RBFOX1: variants seen among roughly 807,000 people sequenced by gnomAD.
RBFOX1 encodes the protein RNA binding protein fox-1 homolog 1.
Under a neutral mutation model 57.7 loss-of-function variants are expected in RBFOX1, and 8 were observed. The observed-to-expected ratio is 0.14, with a 90% confidence interval of 0.08 to 0.25. The LOEUF (loss-of-function observed/expected upper bound fraction) is 0.25. RBFOX1 is among the 10% of genes least tolerant of loss of function. The pLI is 1.00. For missense variants in RBFOX1, 611 were observed against 548.5 expected (o/e 1.11, Z -1.14); for synonymous variants, 326 against 222.4 (o/e 1.47, Z -4.15).
intron 3 of RBFOX1, among the ~76,000 whole-genome samples, chr16:5,853,407 T>C (rs1203099823): frequency 6.6e-6 from 1 of 152,196 alleles, no homozygotes; most frequent in Non-Finnish European, 1.5e-5. Context: ...GGGCACGGCC[T>C]GACCTGCCCC....
chr16:7,211,832 T>C (rs1294937888), intron 4 of RBFOX1, among the ~76,000 whole-genome samples: 2 of 152,124 alleles, frequency 1.3e-5, no homozygotes, highest in Non-Finnish European at 2.9e-5. Context: ...TCCCCCGCCC[T>C]TAGCACGAGG....
chr16:6,758,575 C>G (rs1308593200), intron 3 of RBFOX1, among the ~76,000 whole-genome samples: 1 of 152,020 alleles, frequency 6.6e-6, no homozygotes, highest in Non-Finnish European at 1.5e-5. Flanking sequence ...CTAAAACATC[C>G]CAAACTGTAC....
intron 4 of RBFOX1, among the ~76,000 whole-genome samples, chr16:7,149,191 A>G (rs1237976513): frequency 6.6e-6 from 1 of 151,988 alleles, no homozygotes; most frequent in African/African-American, 2.4e-5. Context: ...CTCCTCCTTC[A>G]TGTTTTTTTA....
chr16:6,555,172 CTT>C (rs1442512837), intron 2 of RBFOX1, among the ~76,000 whole-genome samples: 1 of 152,130 alleles, frequency 6.6e-6, no homozygotes, highest in African/African-American at 2.4e-5. Flanking sequence ...CATAAATACT[CTT>C]TTAAAATCAG....
chr16:7,199,453 G>C (rs980680103), intron 4 of RBFOX1, among the ~76,000 whole-genome samples: 14 of 152,172 alleles, frequency 9.2e-5, no homozygotes, highest in Non-Finnish European at 2.1e-4. Flanking sequence ...GAATGACTGA[G>C]TGTTTCAGGC....
intron 4 of RBFOX1, among the ~76,000 whole-genome samples, chr16:7,069,197 A>G (rs868614761): frequency 6.6e-6 from 1 of 152,144 alleles, no homozygotes. Flanking sequence ...TTATTTTTTA[A>G]TTATTGTTTT....
At chr16:5,636,800 T>G (rs2048698658) in intron 3 of RBFOX1, among the ~76,000 whole-genome samples, 1 of 152,198 alleles carries the variant, frequency 6.6e-6, no homozygotes, top group Non-Finnish European at 1.5e-5. Context: ...GGGAATTTGA[T>G]TTAGGACCGG....
intron 4 of RBFOX1, among the ~76,000 whole-genome samples, chr16:5,967,144 C>T (rs1175050066): frequency 6.6e-6 from 1 of 152,090 alleles, no homozygotes; most frequent in Non-Finnish European, 1.5e-5. Flanking sequence ...GCAACAGAGA[C>T]CATCTGGCCC....
chr16:5,500,212 A>ATTCCATTGCATTCCG (rs1555451058), intron 2 of RBFOX1, among the ~76,000 whole-genome samples: 1 of 134,478 alleles, frequency 7.4e-6, no homozygotes, highest in Non-Finnish European at 1.5e-5. Flanking sequence ...ATTCCATTGC[A>ATTCCATTGCATTCCG]TTCCGTTCCG....
At chr16:6,991,497 G>A (rs2091444743) in intron 3 of RBFOX1, among the ~76,000 whole-genome samples, 2 of 152,148 alleles carry the variant, frequency 1.3e-5, no homozygotes, top group Non-Finnish European at 2.9e-5. Context: ...GAATTCCCAT[G>A]TGATTATTAT....
At chr16:5,627,006 G>C (rs944968520) in intron 3 of RBFOX1, among the ~76,000 whole-genome samples, 2 of 152,110 alleles carry the variant, frequency 1.3e-5, no homozygotes, top group African/African-American at 4.8e-5. Context: ...AGGAAATAAT[G>C]ATCTAACTCA....
intron 3 of RBFOX1, among the ~76,000 whole-genome samples, chr16:7,010,299 G>C (rs933920575): frequency 2.5e-4 from 38 of 152,212 alleles, no homozygotes; most frequent in Admixed American, 2.4e-3. Context: ...TGAACATTTA[G>C]AGAACACTAG....
chr16:7,334,086 T>C (rs2096741263), intron 4 of RBFOX1, among the ~76,000 whole-genome samples: 1 of 152,104 alleles, frequency 6.6e-6, no homozygotes, highest in Non-Finnish European at 1.5e-5. Context: ...GCTCATTAAT[T>C]ACAATTTCTG....
intron 3 of RBFOX1, chr16:6,723,904 C>T (rs989223095): frequency 6.6e-6 from 1 of 152,146 alleles, no homozygotes; most frequent in South Asian, 2.1e-4. Context: ...AGCACTCACC[C>T]AGTCATGATC....
At position 5,947,206 on chromosome 16, in the gene RBFOX1, ACT is replaced by A. The variant is rs1276710374; in HGVS notation, c.351+79874_351+79875del. Among the ~76,000 whole-genome samples the A allele has an allele frequency of 2.0e-5, 3 of 151,954 alleles. No homozygotes were observed. Among genetic ancestry groups the A allele is most frequent in the Admixed American group, 2.0e-4 (3 of 15,248 alleles). On this transcript the variant is annotated intron_variant, in intron 4 of 19. Transcript: ENST00000641259. This position sits in a 1 kb window ranked among gnomAD's most constrained non-coding sequence, Gnocchi z 7.2. ...TCTCCAGCCTGGGTGGCAGAGTGAG[ACT>A]CTGTCTCTAAAACAAAACAAACCAG...
chr16:7,303,870 C>T (rs1386027717), intron 4 of RBFOX1, among the ~76,000 whole-genome samples: 1 of 141,422 alleles, frequency 7.1e-6, no homozygotes, highest in Admixed American at 7.0e-5. Context: ...CTCTCGCTAT[C>T]CTTGCCCCCC....
chr16:5,242,118 AAAAG>A (rs1252658325), intron 1 of RBFOX1, among the ~76,000 whole-genome samples: 1 of 151,046 alleles, frequency 6.6e-6, no homozygotes, highest in Non-Finnish European at 1.5e-5. Context: ...TGTTTCAAGG[AAAAG>A]AGAGAGAGAG....
At chr16:5,353,963 G>C (rs199604898) in intron 1 of RBFOX1, among the ~76,000 whole-genome samples, 3 of 152,092 alleles carry the variant, frequency 2.0e-5, no homozygotes, top group Non-Finnish European at 2.9e-5. Context: ...AACCAAGCAG[G>C]ATGAACGGAG....
intron 2 of RBFOX1, among the ~76,000 whole-genome samples, chr16:5,575,413 C>G (rs898061140): frequency 6.6e-6 from 1 of 152,208 alleles, no homozygotes; most frequent in African/African-American, 2.4e-5. Flanking sequence ...ATCATCCTAA[C>G]AGCTCTATGT....
Sources: gnomAD v4.1 joint callset for allele counts (sites outside exome capture counted in the v4.1 genomes callset) on GRCh38, gnomAD v4.1.1 for gene constraint, Gnocchi (gnomAD v3.1) non-coding constraint, MANE v1.5 for transcripts, NCBI Gene and HGNC (gene_info 2026-07-23, HGNC 2026-07-21) for gene names.